Variants in GPLD1 observed in about 807,000 individuals in gnomAD.
GPLD1 encodes glycosylphosphatidylinositol specific phospholipase D1.
Under a neutral mutation model 112.6 loss-of-function variants are expected in GPLD1, and 84 were observed. That is an observed-to-expected ratio of 0.75 (90% CI 0.63 to 0.89). GPLD1 has a LOEUF of 0.89. Ranked by LOEUF, GPLD1 falls within the 40% of genes least tolerant of loss-of-function variation. The probability of loss-of-function intolerance (pLI) is 0.00; values close to 1 mark genes in which losing one functional copy is unlikely to be tolerated. For missense variants in GPLD1, 1,044 were observed against 1,051.5 expected (o/e 0.99, Z 0.10); for synonymous variants, 386 against 403.8 (o/e 0.96, Z 0.53).
At chr6:24,454,778 CA>C (rs1245589289) in intron 13 of GPLD1, among the ~76,000 whole-genome samples, 9 of 152,326 alleles carry the variant, frequency 5.9e-5, no homozygotes, top group African/African-American at 1.9e-4. Context: ...AGTGTCACTA[CA>C]GGGGCTGGAA....
At chr6:24,441,306 CA>C (rs34247619) in intron 20 of GPLD1, among the ~76,000 whole-genome samples, 13,056 of 127,230 alleles carry the variant, frequency 0.1, 870 homozygotes, top group African/African-American at 0.22. Flanking sequence ...GACTCTATCT[CA>C]AAAAAAAAAA....
Position 24,447,884 on chromosome 6 carries a change from G to A in GPLD1, c.1671C>T (p.Ser557=), listed in dbSNP as rs182405601. The change falls in exon 17 of 25, where the codon AGC becomes AGT. Residue 557 remains serine, a synonymous_variant. Coordinates refer to ENST00000230036, the MANE Select transcript of GPLD1 (RefSeq NM_001503.4). The stretch of plus-strand genomic sequence containing the variant: ...TTCCCCCTCAGGCACTACCTTTGTC[G>A]CTCAGGCTGGGGCCAGAATAAAACG... The part of the protein sequence containing the change: ...VAAFYSGPSL[S]DKEKLNVEAA... 3.1e-4 allele frequency: 504 copies of A among 1,613,798 alleles called. 4 individuals are homozygous for A. Among genetic ancestry groups the A allele is most frequent in the Admixed American group, 7.0e-4 (42 of 59,978 alleles).
rs1236181715 is a variant in GPLD1, at chr6:24,445,556, G to A, written c.2010C>T (p.Ala670=). 1 of 1,612,078 alleles carries A rather than the reference G, an allele frequency of 6.2e-7. No individual in the cohort carries two copies. The highest frequency in any genetic ancestry group is 1.7e-5 in the Admixed American group (1 of 60,008). ...CAGTGTGTGACCTACCGTACGTAGGGGCTCCAACCAGCAGCACTTGTTTCA... is the reference window on the plus strand; with the variant it reads ...CAGTGTGTGACCTACCGTACGTAGGAGCTCCAACCAGCAGCACTTGTTTCA... The part of the protein sequence containing the change: ...GTLKQVLLVG[A]PTYDDVSKVA... The change falls in exon 20 of 25, where the codon GCC becomes GCT. Residue 670 remains alanine, a synonymous_variant. Transcript: ENST00000230036.
At chr6:24,468,654 A>G (rs1763699238) in intron 7 of GPLD1, among the ~76,000 whole-genome samples, 2 of 151,724 alleles carry the variant, frequency 1.3e-5, no homozygotes, top group African/African-American at 4.8e-5. Flanking sequence ...TCCAAGTTCA[A>G]GCAATTCTCC....
intron 7 of GPLD1, 29 bp from the exon 8 acceptor site, chr6:24,467,303 G>T (rs1437049846): frequency 1.7e-6 from 2 of 1,197,558 alleles, no homozygotes; most frequent in South Asian, 1.2e-5. Context: ...AGTAAGAGTT[G>T]TTTTGATTCT....
chr6:24,438,796 T>TA (rs1272204353), intron 20 of GPLD1, among the ~76,000 whole-genome samples: 6 of 152,014 alleles, frequency 3.9e-5, no homozygotes, highest in South Asian at 4.2e-4. Context: ...TTTTTCTTTT[T>TA]TTATTATTGA....
At chr6:24,460,427 G>A (rs1763397716) in intron 11 of GPLD1, 28 bp from the exon 12 acceptor site, 3 of 1,609,272 alleles carry the variant, frequency 1.9e-6, no homozygotes, top group African/African-American at 2.7e-5. Context: ...GAATAAACTG[G>A]TTACGACTGA....
chr6:24,445,833 T>C lies in GPLD1; in HGVS notation c.1821-2A>G. On this transcript the variant is annotated splice_acceptor_variant, in intron 18 of 24. Transcript: ENST00000230036. LOFTEE classifies it high-confidence loss of function. ...CGGATGTGTAACAAATGGCCCAGCC[T>C]AGAATGAAGCACACTGGGCTTAGCT... 6.2e-7 allele frequency: 1 copy of C among 1,602,226 alleles called. No individual in the cohort carries two copies. The highest frequency in any genetic ancestry group is 8.6e-7 in the Non-Finnish European group (1 of 1,169,462).
intron 5 of GPLD1, among the ~76,000 whole-genome samples, chr6:24,474,174 T>TACACACACACACACACACAC (rs56324939): frequency 7.9e-4 from 115 of 145,628 alleles, no homozygotes; most frequent in African/African-American, 2.9e-3. Context: ...CACACCCACA[T>TACACACACACACACACACAC]ACACACACAC....
At chr6:24,435,597 C>A (rs566150756) in intron 22 of GPLD1, among the ~76,000 whole-genome samples, 2 of 151,558 alleles carry the variant, frequency 1.3e-5, no homozygotes, top group East Asian at 3.9e-4. Flanking sequence ...TGGCTCATGC[C>A]TGTTATCCCA....
upstream of GPLD1, among the ~76,000 whole-genome samples, chr6:24,492,949 ACTT>A (rs1170341683): frequency 9.8e-5 from 15 of 152,296 alleles, no homozygotes; most frequent in South Asian, 8.3e-4. Context: ...GCCACCTAAA[ACTT>A]CTTTTCTTCA....
intron 24 of GPLD1, among the ~76,000 whole-genome samples, chr6:24,430,773 T>C (rs1762378482): frequency 6.6e-6 from 1 of 152,140 alleles, no homozygotes; most frequent in Non-Finnish European, 1.5e-5. Flanking sequence ...TTTTGAAACA[T>C]AACATCTGAT....
Position 24,447,999 on chromosome 6 carries a change from G to A in GPLD1, c.1556C>T (p.Ala519Val), listed in dbSNP as rs1023012369. ...IYCNLGWTLL[A>V]ADVNGDSEPD... ...TTCACTGTCTCCATTCACATCTGCAGCCAAGAGAGTCCAGCCCAAGTTACA... is the reference window on the plus strand; with the variant it reads ...TTCACTGTCTCCATTCACATCTGCAACCAAGAGAGTCCAGCCCAAGTTACA... The change falls in exon 17 of 25, where the codon GCT (alanine) becomes GTT (valine). Residue 519 changes from alanine (A) to valine (V), a missense_variant. Coordinates refer to ENST00000230036, the MANE Select transcript of GPLD1 (RefSeq NM_001503.4). 3.1e-6 allele frequency: 5 copies of A among 1,613,780 alleles called. No homozygotes were observed. The Admixed American group carries it at 5.0e-5, about 16-fold the overall frequency.
upstream of GPLD1, among the ~76,000 whole-genome samples, chr6:24,493,120 G>T (rs1764598437): frequency 6.6e-6 from 1 of 152,138 alleles, no homozygotes; most frequent in Non-Finnish European, 1.5e-5. Context: ...GGTAATTTTT[G>T]AACAAGAGAG....
chr6:24,449,059 A>G (rs544978196), intron 15 of GPLD1, among the ~76,000 whole-genome samples: 1 of 152,026 alleles, frequency 6.6e-6, no homozygotes, highest in East Asian at 1.9e-4. Context: ...CTCGCCCAGG[A>G]GTTAGGTAAT....
At chr6:24,479,999 C>G (rs1764148257) in intron 2 of GPLD1, 40 bp from the exon 3 acceptor site, 1 of 1,287,120 alleles carries the variant, frequency 7.8e-7, no homozygotes, top group Non-Finnish European at 1.1e-6. Flanking sequence ...GGGCAGGAGT[C>G]AACAGCCTGG....
intron 4 of GPLD1, 103 bp from the exon 5 acceptor site, chr6:24,475,334 C>T (rs768219823): frequency 3.0e-4 from 205 of 688,160 alleles, no homozygotes; most frequent in Non-Finnish European, 4.6e-4. Flanking sequence ...TTACTGAGAC[C>T]TAACAAAAAA....
upstream of GPLD1, among the ~76,000 whole-genome samples, chr6:24,489,847 G>A (rs1322184876): frequency 1.3e-5 from 2 of 152,108 alleles, no homozygotes; most frequent in Non-Finnish European, 2.9e-5. Context: ...GTGTAGAGAT[G>A]CAAGCAAAGT....
At chr6:24,487,629 A>C (rs892175850) in intron 1 of GPLD1, among the ~76,000 whole-genome samples, 7 of 152,192 alleles carry the variant, frequency 4.6e-5, no homozygotes, top group Non-Finnish European at 1.0e-4. Flanking sequence ...CAGAACATAG[A>C]ACTGCAAGAC....
Sources: allele counts gnomAD v4.1 joint callset (sites outside exome capture counted in the v4.1 genomes callset), GRCh38; gene constraint gnomAD v4.1.1; transcripts MANE v1.5; gene names NCBI Gene and HGNC (gene_info 2026-07-23, HGNC 2026-07-21).